Variants in N4BP2 observed in about 807,000 individuals in gnomAD.
N4BP2 encodes the protein NEDD4 binding protein 2, also known as NEDD4-binding protein 2.
N4BP2 carries 91 observed loss-of-function variants against 152.8 expected under a neutral mutation model. The observed-to-expected ratio is 0.60, with a 90% CI of 0.50 to 0.71. The LOEUF is 0.71. N4BP2 is among the 30% of genes least tolerant of loss of function. The pLI is 0.00. For missense variants in N4BP2, 1,923 were observed against 2,059.1 expected, an observed-to-expected ratio of 0.93 and a Z score of 1.28; for synonymous variants, 646 against 705.3, an observed-to-expected ratio of 0.92 and a Z score of 1.33.
intron 3 of N4BP2, among the ~76,000 whole-genome samples, chr4:40,100,484 T>G (rs1046235044): frequency 6.7e-6 from 1 of 150,192 alleles, no homozygotes; most frequent in African/African-American, 2.5e-5. Flanking sequence ...TGGGCTGAAG[T>G]GATTCTCCTA....
chr4:40,145,107 A>G (rs1720392756), intron 16 of N4BP2, among the ~76,000 whole-genome samples: 1 of 152,202 alleles, frequency 6.6e-6, no homozygotes, highest in Admixed American at 6.5e-5. Flanking sequence ...TCTTTGTCCA[A>G]TAGACATTTA....
At chr4:40,178,864 T>A in the N4BP2 span, among the ~76,000 whole-genome samples, 1 of 152,186 alleles carries the variant, frequency 6.6e-6, no homozygotes, top group Non-Finnish European at 1.5e-5. Flanking sequence ...ACTCCCTGCC[T>A]CAAGTTCTTG....
chr4:40,080,355 AT>A lies in N4BP2; in HGVS notation c.-115+6816del, dbSNP rs1272845175. ...ACACACATATATATGTATATATATA[AT>A]TTTTTTTTTTTGAGGTGGAGTCTTG... On this transcript the variant is annotated intron_variant, in intron 2 of 17. Transcript: ENST00000261435. Among the ~76,000 whole-genome samples, 985 of 144,414 alleles carry A rather than the reference AT, an allele frequency of 6.8e-3. 10 individuals carry two copies. Among genetic ancestry groups the A allele is most frequent in the African/African-American group, 0.021 (842 of 39,340 alleles). 94.7% of individuals were successfully genotyped at this position (144,414 alleles called of 152,430 possible). A position where few individuals can be genotyped will look rare whatever the true frequency, so the allele number is the denominator to read the frequency against.
At chr4:40,127,912 C>T (rs922173138) in intron 12 of N4BP2, among the ~76,000 whole-genome samples, 22 of 152,072 alleles carry the variant, frequency 1.4e-4, no homozygotes, top group Non-Finnish European at 2.1e-4. Flanking sequence ...CCACCTGCCT[C>T]GGCCTCCCAG....
chr4:40,088,502 G>C (rs1473435487), intron 2 of N4BP2, among the ~76,000 whole-genome samples: 3 of 139,498 alleles, frequency 2.2e-5, no homozygotes, highest in African/African-American at 5.3e-5. Flanking sequence ...TCTCATTATA[G>C]TTTTTTTTTT....
intron 6 of N4BP2, 137 bp from the exon 7 acceptor site, chr4:40,113,295 A>T (rs1340711659): frequency 6.7e-6 from 4 of 600,792 alleles, no homozygotes; most frequent in Non-Finnish European, 1.2e-5. Flanking sequence ...GGTTAAAGTG[A>T]TTGTATATTT....
chr4:40,127,293 C>T (rs1193549171), intron 12 of N4BP2, among the ~76,000 whole-genome samples: 1 of 150,758 alleles, frequency 6.6e-6, no homozygotes, highest in Admixed American at 6.6e-5. Context: ...ATAAGGCTCA[C>T]TGCAGCCTCA....
At chr4:40,186,389 GAAC>G in the N4BP2 span, among the ~76,000 whole-genome samples, 1 of 152,122 alleles carries the variant, frequency 6.6e-6, no homozygotes, top group East Asian at 1.9e-4. Context: ...AATAAAAAAG[GAAC>G]AACAACTTTT....
At chr4:40,086,292 G>A (rs1713944916) in intron 2 of N4BP2, among the ~76,000 whole-genome samples, 1 of 151,582 alleles carries the variant, frequency 6.6e-6, no homozygotes, top group South Asian at 2.1e-4. Context: ...ACAACATTGC[G>A]AGACACTGTC....
chr4:40,133,237 A>G (rs1166231692), intron 13 of N4BP2, among the ~76,000 whole-genome samples: 1 of 152,098 alleles, frequency 6.6e-6, no homozygotes, highest in Non-Finnish European at 1.5e-5. Flanking sequence ...CATTTAAGGT[A>G]TGAATTTTTC....
rs1717927577 is a variant in N4BP2 at position 40,121,654 on chromosome 4, T to C, written c.3543T>C (p.His1181=). The C allele has an allele frequency of 6.2e-7, 1 of 1,614,104 alleles. No homozygotes were observed. The highest frequency in any genetic ancestry group is 8.5e-7 in the Non-Finnish European group (1 of 1,180,018). ...NSNSPVPEFS[H]GIGISNADSQ... ...ATTCTCCTGTGCCAGAGTTTAGCCA[T>C]GGGATTGGTATTAGTAACGCTGACT... Residue 1181 remains histidine (H), a synonymous_variant, in exon 9 of 18, where the codon CAT becomes CAC. Coordinates refer to ENST00000261435, the MANE Select transcript of N4BP2 (RefSeq NM_018177.6).
At chr4:40,177,788 A>G in the N4BP2 span, among the ~76,000 whole-genome samples, 7 of 152,106 alleles carry the variant, frequency 4.6e-5, no homozygotes, top group African/African-American at 1.7e-4. Context: ...TCCCAGCTCT[A>G]ATGTTCTTCC....
intron 13 of N4BP2, among the ~76,000 whole-genome samples, chr4:40,135,650 C>G (rs1269795394): frequency 6.6e-6 from 1 of 152,192 alleles, no homozygotes; most frequent in African/African-American, 2.4e-5. Flanking sequence ...GCAACCTCTG[C>G]CTCCTGAGTT....
At chr4:40,117,040 CT>C (rs993832544) in intron 7 of N4BP2, among the ~76,000 whole-genome samples, 1 of 152,024 alleles carries the variant, frequency 6.6e-6, no homozygotes, top group Non-Finnish European at 1.5e-5. Flanking sequence ...AATTTCAGTA[CT>C]ATGTTTCTAG....
At chr4:40,065,063 C>T (rs539148979) in intron 1 of N4BP2, among the ~76,000 whole-genome samples, 5 of 152,200 alleles carry the variant, frequency 3.3e-5, no homozygotes, top group South Asian at 4.2e-4. Flanking sequence ...CCACTGTGCC[C>T]GGCTGGGGTT....
chr4:40,085,597 C>T (rs1303859840), intron 2 of N4BP2, among the ~76,000 whole-genome samples: 3 of 152,028 alleles, frequency 2.0e-5, no homozygotes, highest in African/African-American at 7.2e-5. Flanking sequence ...GCTGGAATTA[C>T]AGGCACGCCA....
chr4:40,147,813 G>A (rs1192621500), intron 16 of N4BP2, among the ~76,000 whole-genome samples: 1 of 150,620 alleles, frequency 6.6e-6, no homozygotes, highest in South Asian at 2.1e-4. Context: ...CTTCTCAGAC[G>A]GGGCAGCCAG....
At position 40,126,306 on chromosome 4, in the gene N4BP2, T is replaced by C. The variant is rs142355696; in HGVS notation, c.4503T>C (p.Ile1501=). 5 of 1,556,046 alleles carry C rather than the reference T, an allele frequency of 3.2e-6. No homozygotes were observed. The highest frequency in any genetic ancestry group is 1.8e-4 in the Middle Eastern group (1 of 5,708). Residue 1501 remains isoleucine (I), a synonymous_variant, in exon 12 of 18, where the codon ATT becomes ATC. Transcript: ENST00000261435. ...VSLREIMSEE[I]ALQEKHNLKR... ...TCAGAGAAATAATGTCAGAAGAAAT[T>C]GCCTTACAGGAAAAACATAATTTGG...
At chr4:40,099,442 G>A (rs1456454106) in intron 3 of N4BP2, among the ~76,000 whole-genome samples, 2 of 151,858 alleles carry the variant, frequency 1.3e-5, no homozygotes, top group African/African-American at 2.4e-5. Flanking sequence ...AGAGAATGGG[G>A]TTTCATCATG....
Sources: gnomAD v4.1 joint callset for allele counts (sites outside exome capture counted in the v4.1 genomes callset) on GRCh38, gnomAD v4.1.1 for gene constraint, MANE v1.5 for transcripts, NCBI Gene and HGNC (gene_info 2026-07-23, HGNC 2026-07-21) for gene names.